AGFG1: variants seen among roughly 807,000 people sequenced by gnomAD.
The protein encoded by AGFG1 is ArfGAP with FG repeats 1.
AGFG1 carries 10 observed loss-of-function variants against 60.6 expected under a neutral mutation model. That is an observed-to-expected ratio of 0.16 (90% CI 0.10 to 0.28). AGFG1 has a LOEUF of 0.28. AGFG1 is among the 10% of genes least tolerant of loss of function. The pLI is 1.00. For synonymous variants in AGFG1, 247 were observed against 242.9 expected, an observed-to-expected ratio of 1.02 and a Z score of -0.16; for missense variants, 537 against 676.5, an observed-to-expected ratio of 0.79 and a Z score of 2.29.
intron 2 of AGFG1, among the ~76,000 whole-genome samples, chr2:227,511,255 G>T (rs1213734789): frequency 1.3e-5 from 2 of 152,134 alleles, no homozygotes; most frequent in African/African-American, 4.8e-5. Flanking sequence ...TCTAAAACAG[G>T]TTTTTATTAT....
chr2:227,504,445 G>A (rs1377761079), intron 2 of AGFG1, among the ~76,000 whole-genome samples: 1 of 152,146 alleles, frequency 6.6e-6, no homozygotes, highest in East Asian at 1.9e-4. Context: ...CGCCTGCCTT[G>A]GCCTCCCAGA....
chr2:227,478,400 T>C (rs1690352349), intron 1 of AGFG1, among the ~76,000 whole-genome samples: 1 of 152,088 alleles, frequency 6.6e-6, no homozygotes, highest in South Asian at 2.1e-4. Context: ...TGGAGTGCAG[T>C]GGCATTATCA....
chr2:227,545,481 C>T (rs1370344032), intron 10 of AGFG1, among the ~76,000 whole-genome samples: 1 of 152,238 alleles, frequency 6.6e-6, no homozygotes, highest in Non-Finnish European at 1.5e-5. Flanking sequence ...TAAAGTCATT[C>T]TCTGTCCAGC....
At chr2:227,550,240 A>G (rs1368082155) in intron 10 of AGFG1, 2 of 258,236 alleles carry the variant, frequency 7.7e-6, no homozygotes, top group South Asian at 3.8e-5. Context: ...GTGGGCATGG[A>G]TGTGTGGCAT....
chr2:227,510,535 G>A (rs1691465137), intron 2 of AGFG1, among the ~76,000 whole-genome samples: 1 of 146,722 alleles, frequency 6.8e-6, no homozygotes, highest in Admixed American at 6.6e-5. Context: ...TCTTGGTGGA[G>A]GGGTGAGTTG....
intron 1 of AGFG1, among the ~76,000 whole-genome samples, chr2:227,491,010 C>T (rs1196630304): frequency 2.6e-5 from 4 of 152,244 alleles, no homozygotes; most frequent in Middle Eastern, 3.4e-3. Flanking sequence ...TAAATTCTTA[C>T]TTGAATTGAT....
intron 4 of AGFG1, 117 bp from the exon 5 acceptor site, chr2:227,524,645 A>T: frequency 9.5e-7 from 1 of 1,048,348 alleles, no homozygotes; most frequent in Non-Finnish European, 1.4e-6. Flanking sequence ...AGAAAGGTTA[A>T]CTCAGCATAC....
chr2:227,539,228 A>G (rs1042542521), intron 10 of AGFG1, among the ~76,000 whole-genome samples: 4 of 152,144 alleles, frequency 2.6e-5, no homozygotes, highest in African/African-American at 9.7e-5. Flanking sequence ...GGATCACCTG[A>G]GGCCAAGAGT....
chr2:227,482,143 G>T (rs1056257751), intron 1 of AGFG1, among the ~76,000 whole-genome samples: 8 of 152,100 alleles, frequency 5.3e-5, no homozygotes, highest in Non-Finnish European at 1.0e-4. Flanking sequence ...GAGATTACAG[G>T]CGTGAGCCAC....
intron 2 of AGFG1, among the ~76,000 whole-genome samples, chr2:227,492,866 A>T (rs1690860348): frequency 6.6e-6 from 1 of 152,094 alleles, no homozygotes; most frequent in Admixed American, 6.5e-5. Flanking sequence ...ATTGATTAAA[A>T]TACAATTTGA....
intron 12 of AGFG1, 92 bp from the exon 13 acceptor site, chr2:227,554,343 TA>T: frequency 9.4e-7 from 1 of 1,059,188 alleles, no homozygotes; most frequent in African/African-American, 1.6e-5. Flanking sequence ...CCAAAAAGTC[TA>T]ATTAAAAAAA....
At chr2:227,490,944 T>C (rs183456392) in intron 1 of AGFG1, among the ~76,000 whole-genome samples, 1 of 152,350 alleles carries the variant, frequency 6.6e-6, no homozygotes, top group East Asian at 1.9e-4. Context: ...CGTATGTCCC[T>C]GCAGTTTCCT....
intron 2 of AGFG1, among the ~76,000 whole-genome samples, chr2:227,504,606 T>G (rs2106186629): frequency 6.6e-6 from 1 of 152,366 alleles, no homozygotes; most frequent in East Asian, 1.9e-4. Context: ...TAAGCTCTAC[T>G]TAACTGTGCT....
chr2:227,528,765 G>GC (rs1692069586), intron 5 of AGFG1, among the ~76,000 whole-genome samples: 1 of 152,182 alleles, frequency 6.6e-6, no homozygotes, highest in African/African-American at 2.4e-5. Flanking sequence ...ACAAGTCACT[G>GC]CAACTCTACA....
chr2:227,527,824 T>C (rs1418320112), intron 5 of AGFG1, among the ~76,000 whole-genome samples: 1 of 152,224 alleles, frequency 6.6e-6, no homozygotes, highest in Non-Finnish European at 1.5e-5. Context: ...TCATAGATTA[T>C]GTAAGTTAAA....
At chr2:227,485,707 T>C (rs1690614042) in intron 1 of AGFG1, among the ~76,000 whole-genome samples, 1 of 152,204 alleles carries the variant, frequency 6.6e-6, no homozygotes, top group African/African-American at 2.4e-5. Context: ...GCTCTCTACC[T>C]GATTTGGTGA....
At chr2:227,548,195 TG>T (rs10712343) in intron 10 of AGFG1, among the ~76,000 whole-genome samples, 91,203 of 151,856 alleles carry the variant, frequency 0.6, 27,449 homozygotes, top group South Asian at 0.7. Flanking sequence ...TGGGGCAGCA[TG>T]GGAAGTGACA....
intron 5 of AGFG1, among the ~76,000 whole-genome samples, chr2:227,530,870 T>C (rs1692138065): frequency 1.3e-5 from 2 of 152,174 alleles, no homozygotes; most frequent in African/African-American, 4.8e-5. Flanking sequence ...AAATTTATCA[T>C]TGCACAAAGT....
intron 2 of AGFG1, among the ~76,000 whole-genome samples, chr2:227,501,759 T>G (rs1427635116): frequency 6.6e-6 from 1 of 152,216 alleles, no homozygotes; most frequent in Non-Finnish European, 1.5e-5. Flanking sequence ...CATTTTTTTA[T>G]TTTTAGTAGA....
Sources: gnomAD v4.1 joint callset for allele counts (sites outside exome capture counted in the v4.1 genomes callset) on GRCh38, gnomAD v4.1.1 for gene constraint, MANE v1.5 for transcripts, NCBI Gene and HGNC (gene_info 2026-07-23, HGNC 2026-07-21) for gene names.